SGK3: variants seen among roughly 807,000 people sequenced by gnomAD.
The protein encoded by SGK3 is serine/threonine-protein kinase Sgk3.
SGK3 carries 47 observed loss-of-function variants against 68.5 expected under a neutral mutation model. That is an observed-to-expected ratio of 0.69 (90% CI 0.54 to 0.87). The LOEUF is 0.87. SGK3 is among the 40% of genes least tolerant of loss of function. SGK3 has a pLI of 0.00. For synonymous variants in SGK3, 181 were observed against 189.1 expected (o/e 0.96, Z 0.35); for missense variants, 479 against 575.5 (o/e 0.83, Z 1.72).
chr8:66,836,626 C>A (rs1249260385), intron 10 of SGK3, among the ~76,000 whole-genome samples: 1 of 149,594 alleles, frequency 6.7e-6, no homozygotes, highest in Non-Finnish European at 1.5e-5. Flanking sequence ...GAACGAGACC[C>A]CATCTCTTTA....
intron 1 of SGK3, among the ~76,000 whole-genome samples, chr8:66,784,058 C>T (rs535369648): frequency 2.0e-5 from 3 of 151,908 alleles, no homozygotes; most frequent in South Asian, 4.2e-4. Context: ...CCACCATGCC[C>T]GGCTAATTTT....
chr8:66,808,885 T>C (rs1316642219), intron 4 of SGK3, among the ~76,000 whole-genome samples: 1 of 151,728 alleles, frequency 6.6e-6, no homozygotes, highest in African/African-American at 2.4e-5. Flanking sequence ...TATTTATTTT[T>C]TGAGACAGAG....
At chr8:66,810,088 G>A (rs185052919) in intron 4 of SGK3, among the ~76,000 whole-genome samples, 10 of 152,250 alleles carry the variant, frequency 6.6e-5, no homozygotes, top group Admixed American at 6.5e-4. Flanking sequence ...CAAGAGAGAA[G>A]AAGAACTAAG....
chr8:66,817,154 C>T (rs973438274), intron 5 of SGK3, among the ~76,000 whole-genome samples: 1 of 151,944 alleles, frequency 6.6e-6, no homozygotes, highest in African/African-American at 2.4e-5. Flanking sequence ...TTCTTCTGGC[C>T]AGGCACAGTG....
chr8:66,840,671 T>G (rs1809763757), intron 12 of SGK3: 1 of 202,924 alleles, frequency 4.9e-6, no homozygotes, highest in Non-Finnish European at 9.8e-6. Flanking sequence ...AATTGTTAAT[T>G]TATTGGCCGG....
At chr8:66,778,801 G>A (rs1806832068) in intron 1 of SGK3, among the ~76,000 whole-genome samples, 1 of 152,194 alleles carries the variant, frequency 6.6e-6, no homozygotes, top group Admixed American at 6.5e-5. Context: ...AGAGCAGCAT[G>A]TCCAATACGC....
At chr8:66,724,128 A>G (rs1804905235) in intron 1 of SGK3, among the ~76,000 whole-genome samples, 1 of 152,184 alleles carries the variant, frequency 6.6e-6, no homozygotes, top group Non-Finnish European at 1.5e-5. Flanking sequence ...TCATGCCACC[A>G]TGCCCAGCTA....
chr8:66,841,502 A>G lies in SGK3; in HGVS notation c.978+392A>G, dbSNP rs561909968. ...TGATGAAAGTGTTCTTTCTGTGACT[A>G]TGTTAACAACATTGAATCACACACT... On this transcript the variant is annotated intron_variant, in intron 13 of 16. Coordinates refer to ENST00000521198, the MANE Select transcript of SGK3 (RefSeq NM_001033578.3). Among the ~76,000 whole-genome samples, 14 of 152,302 alleles carry G rather than the reference A, an allele frequency of 9.2e-5. No individual in the cohort carries two copies. In the South Asian group the frequency reaches 1.4e-3, roughly 16 times the overall value.
intron 16 of SGK3, among the ~76,000 whole-genome samples, chr8:66,852,947 C>T (rs11780700): frequency 0.5 from 75,608 of 152,044 alleles, 21,356 homozygotes; most frequent in African/African-American, 0.79. Context: ...CTAAGCAACA[C>T]TGGAAATGGA....
chr8:66,848,718 T>C (rs1473633489), intron 15 of SGK3, among the ~76,000 whole-genome samples: 1 of 152,194 alleles, frequency 6.6e-6, no homozygotes, highest in Non-Finnish European at 1.5e-5. Context: ...CAGTCAGTAA[T>C]TAAATGTTAT....
chr8:66,750,526 C>T (rs1805782397), intron 1 of SGK3, among the ~76,000 whole-genome samples: 1 of 151,724 alleles, frequency 6.6e-6, no homozygotes, highest in Admixed American at 6.6e-5. Context: ...CGTATTTAGT[C>T]TTAAGAAATG....
intron 1 of SGK3, among the ~76,000 whole-genome samples, chr8:66,740,761 G>A (rs957291635): frequency 6.6e-6 from 1 of 152,026 alleles, no homozygotes; most frequent in Admixed American, 6.6e-5. Flanking sequence ...ATAAAAATTA[G>A]CCAGGTGTGG....
chr8:66,730,796 G>C (rs1034362824), intron 1 of SGK3, among the ~76,000 whole-genome samples: 1 of 151,750 alleles, frequency 6.6e-6, no homozygotes, highest in Non-Finnish European at 1.5e-5. Flanking sequence ...TCCTGCCTCA[G>C]CCTCTAGAGT....
At chr8:66,760,330 C>CTTTTTTTTTTTTTTT (rs201559163) in intron 1 of SGK3, among the ~76,000 whole-genome samples, 11 of 115,644 alleles carry the variant, frequency 9.5e-5, no homozygotes, top group Non-Finnish European at 1.5e-4. Context: ...TTTCTTTTTT[C>CTTTTTTTTTTTTTTT]TTTTTTTTTT....
At chr8:66,818,139 ACAAAG>A (rs1252428288) in intron 5 of SGK3, among the ~76,000 whole-genome samples, 1 of 152,190 alleles carries the variant, frequency 6.6e-6, no homozygotes, top group Non-Finnish European at 1.5e-5. Context: ...AAGCAAAAAA[ACAAAG>A]CAAAACTTTT....
In SGK3 at chr8:66,835,674, T is replaced by G. The variant is rs991576355; in HGVS notation, c.526-89T>G. The G allele has an allele frequency of 1.4e-5, 19 of 1,388,232 alleles. No individual in the cohort carries two copies. The African/African-American group carries it at 2.3e-4, about 17-fold the overall frequency. 86.0% of individuals were successfully genotyped at this position (1,388,232 alleles called of 1,614,324 possible). A position where few individuals can be genotyped will look rare whatever the true frequency, so the allele number is the denominator to read the frequency against. ...CCTTATGGACTTTCTTTTTACAGAA[T>G]TTAAGAAGTATTGATGTGTTGACAA... On this transcript the variant is annotated intron_variant, in intron 8 of 16. Coordinates refer to ENST00000521198, the MANE Select transcript of SGK3 (RefSeq NM_001033578.3).
intron 8 of SGK3, among the ~76,000 whole-genome samples, chr8:66,832,914 T>A (rs1212767875): frequency 6.6e-6 from 1 of 152,038 alleles, no homozygotes. Context: ...TGTTTTGTTT[T>A]TTTTTTTGCC....
chr8:66,796,824 C>A (rs1213498116), intron 2 of SGK3, among the ~76,000 whole-genome samples: 1 of 151,900 alleles, frequency 6.6e-6, no homozygotes, highest in African/African-American at 2.4e-5. Context: ...AAGGAACTTT[C>A]ATTATACAGG....
Position 66,712,839 on chromosome 8 carries a change from T to TGCGGGGCCG in SGK3, c.-122+12_-122+20dup, listed in dbSNP as rs1425931403. ...GAGCAGCACCGCGGGGCCAGGTAGG[T>TGCGGGGCCG]GCGGGGCCGGCGGGAGGGTCCGCGC... On this transcript the variant is annotated splice_region_variant and intron_variant, in intron 1 of 16. Coordinates refer to ENST00000521198, the MANE Select transcript of SGK3 (RefSeq NM_001033578.3). 2 of 150,972 alleles carry TGCGGGGCCG rather than the reference T, an allele frequency of 1.3e-5. No homozygotes were observed. Among genetic ancestry groups the TGCGGGGCCG allele is most frequent in the Non-Finnish European group, 3.0e-5 (2 of 67,694 alleles). The allele number at this position is 150,972 out of a possible 1,614,324, so 9.4% of individuals were successfully genotyped here.
Sources: gnomAD v4.1 joint callset for allele counts (sites outside exome capture counted in the v4.1 genomes callset) on GRCh38, gnomAD v4.1.1 for gene constraint, MANE v1.5 for transcripts, NCBI Gene and HGNC (gene_info 2026-07-23, HGNC 2026-07-21) for gene names.